CCDC33: variants seen among roughly 807,000 people sequenced by gnomAD.
The protein encoded by CCDC33 is coiled-coil domain containing 33.
A neutral mutation model predicts 91.9 loss-of-function variants in CCDC33; 94 were observed. The observed-to-expected ratio is 1.02, with a 90% CI of 0.87 to 1.21. The LOEUF is 1.21. Ranked by LOEUF, CCDC33 falls within the 50% of genes most tolerant of loss-of-function variation. CCDC33 has a pLI of 0.00. For synonymous variants in CCDC33, 396 were observed against 374.5 expected (o/e 1.06, Z -0.66); for missense variants, 940 against 935.5 (o/e 1.00, Z -0.06).
intron 1 of CCDC33, among the ~76,000 whole-genome samples, chr15:74,205,976 G>A (rs1238695143): frequency 7.2e-5 from 11 of 152,346 alleles, no homozygotes; most frequent in East Asian, 3.9e-4. Context: ...AGTGGAGAAC[G>A]CCTGGTTGGG....
intron 2 of CCDC33, among the ~76,000 whole-genome samples, chr15:74,246,450 G>A (rs2142285743): frequency 6.6e-6 from 1 of 152,178 alleles, no homozygotes; most frequent in East Asian, 1.9e-4. Flanking sequence ...CAAAATATAT[G>A]AGTAACTCAT....
chr15:74,327,817 G>C (rs1049301903), intron 11 of CCDC33, among the ~76,000 whole-genome samples: 6 of 152,134 alleles, frequency 3.9e-5, no homozygotes, highest in African/African-American at 1.4e-4. Context: ...CTCACAACCC[G>C]GTTATGGACA....
intron 2 of CCDC33, among the ~76,000 whole-genome samples, chr15:74,211,389 CT>C (rs1249975573): frequency 1.4e-5 from 2 of 146,846 alleles, no homozygotes; most frequent in Non-Finnish European, 3.0e-5. Flanking sequence ...ATATCTGCCC[CT>C]GGCTTTTTTT....
upstream of CCDC33, among the ~76,000 whole-genome samples, chr15:74,214,467 TGG>T (rs2074395223): frequency 1.3e-5 from 2 of 152,002 alleles, no homozygotes; most frequent in Non-Finnish European, 2.9e-5. Context: ...TTGAAAACCG[TGG>T]GAGGCTGAAT....
chr15:74,315,103 G>A (rs2060065926), intron 11 of CCDC33, among the ~76,000 whole-genome samples: 1 of 152,228 alleles, frequency 6.6e-6, no homozygotes, highest in Non-Finnish European at 1.5e-5. Context: ...GGGGAGCAGA[G>A]CAACTGTGCG....
At chr15:74,311,649 T>G (rs2142747426) in intron 11 of CCDC33, 1 of 152,290 alleles carries the variant, frequency 6.6e-6, no homozygotes, top group East Asian at 1.9e-4. Flanking sequence ...GGGAAAGGGT[T>G]TGAGGAAACA....
At chr15:74,239,015 G>C (rs1282194168) in intron 1 of CCDC33, among the ~76,000 whole-genome samples, 4 of 152,348 alleles carry the variant, frequency 2.6e-5, no homozygotes, top group Non-Finnish European at 4.4e-5. Flanking sequence ...GTTGAAACTA[G>C]AAGGAACATG....
chr15:74,225,117 C>CAT (rs962824242), intron 2 of CCDC33, among the ~76,000 whole-genome samples: 1 of 139,832 alleles, frequency 7.2e-6, no homozygotes, highest in African/African-American at 2.7e-5. Flanking sequence ...CTCCTGGAGG[C>CAT]GTGTGTGTGT....
chr15:74,318,444 C>A, intron 11 of CCDC33: 4 of 535,764 alleles, frequency 7.5e-6, no homozygotes, highest in East Asian at 3.6e-5. Flanking sequence ...CCCACCCAGA[C>A]ACCCCCCACC....
chr15:74,236,541 C>G lies in CCDC33; in HGVS notation c.-179C>G. ...TCCCCCTCCCCCCACATCCAGGCCC[C>G]AGGGCTGGTGTGTGGCACCCCTGAG... is the stretch of plus-strand genomic sequence containing the variant. On this transcript the variant is annotated 5_prime_UTR_variant, in exon 1 of 19. Transcript: ENST00000398814. 2.2e-6 allele frequency: 1 copy of G among 448,128 alleles called. No individual in the cohort carries two copies. The highest frequency in any genetic ancestry group is 4.0e-6 in the Non-Finnish European group (1 of 248,326). 27.8% of individuals were successfully genotyped at this position (448,128 alleles called of 1,614,324 possible). A position where few individuals can be genotyped will look rare whatever the true frequency, so the allele number is the denominator to read the frequency against.
chr15:74,279,962 G>T lies in CCDC33; in HGVS notation c.760-1G>T, dbSNP rs2076548618. 6.2e-7 allele frequency: 1 copy of T among 1,613,774 alleles called. No individual in the cohort carries two copies. The highest frequency in any genetic ancestry group is 8.5e-7 in the Non-Finnish European group (1 of 1,179,808). ...CACCTGCTCCTACCCTCTCCCTCCA[G>T]CTGTCCAAGCCTGGGGGACCCCCAG... On this transcript the variant is annotated splice_acceptor_variant, in intron 7 of 18. Transcript: ENST00000398814. LOFTEE classifies it high-confidence loss of function.
intron 2 of CCDC33, among the ~76,000 whole-genome samples, chr15:74,255,159 C>T (rs960606020): frequency 2.0e-5 from 3 of 152,044 alleles, no homozygotes; most frequent in Admixed American, 2.0e-4. Flanking sequence ...TCCATAGACC[C>T]ACCTGCCAAT....
intron 2 of CCDC33, chr15:74,221,128 C>A: frequency 1.2e-6 from 1 of 852,080 alleles, no homozygotes; most frequent in Non-Finnish European, 1.4e-6. Context: ...TGACTGTGAT[C>A]AGGCATTTCA....
chr15:74,228,594 G>T (rs75234883), intron 2 of CCDC33, among the ~76,000 whole-genome samples: 2 of 152,200 alleles, frequency 1.3e-5, no homozygotes, highest in African/African-American at 4.8e-5. Flanking sequence ...GGGCCATGGG[G>T]CCCCCACTCC....
chr15:74,251,444 G>A (rs958422021), intron 2 of CCDC33, among the ~76,000 whole-genome samples: 5 of 152,258 alleles, frequency 3.3e-5, no homozygotes, highest in African/African-American at 1.2e-4. Context: ...TGGAAAAGGG[G>A]CTAGCCAGGA....
intron 5 of CCDC33, among the ~76,000 whole-genome samples, chr15:74,270,596 C>T (rs1178361942): frequency 6.6e-6 from 1 of 152,062 alleles, no homozygotes; most frequent in Non-Finnish European, 1.5e-5. Context: ...GCAGAGGAAT[C>T]GAAGGAGCAA....
At chr15:74,321,218 G>A (rs1224367490) in intron 11 of CCDC33, among the ~76,000 whole-genome samples, 1 of 152,006 alleles carries the variant, frequency 6.6e-6, no homozygotes. Flanking sequence ...AAGAAATGTG[G>A]TTAATTCGCT....
rs1298195040 is a variant in CCDC33 at position 74,332,758 on chromosome 15, G to A, written c.1851G>A (p.Leu617=). 6.2e-7 allele frequency: 1 copy of A among 1,614,236 alleles called. No individual in the cohort carries two copies. Among genetic ancestry groups the A allele is most frequent in the Admixed American group, 1.7e-5 (1 of 60,030 alleles). The stretch of plus-strand genomic sequence containing the variant: ...TGCCGGTTGAACTTTACTCGGTGCT[G>A]CTGGCAGAAAACGCGAAGCTGCGGA... The part of the protein sequence containing the change: ...ENLPVELYSV[L]LAENAKLRTE... The change falls in exon 16 of 19, where the codon CTG becomes CTA. Residue 617 remains leucine (L), a synonymous_variant. Transcript: ENST00000398814.
At chr15:74,281,442 C>T (rs1394364968) in intron 9 of CCDC33, among the ~76,000 whole-genome samples, 1 of 152,250 alleles carries the variant, frequency 6.6e-6, no homozygotes, top group African/African-American at 2.4e-5. Context: ...AAGTTCTCAA[C>T]AAGAATGAAT....
Sources: gnomAD v4.1 joint callset for allele counts (sites outside exome capture counted in the v4.1 genomes callset) on GRCh38, gnomAD v4.1.1 for gene constraint, MANE v1.5 for transcripts, NCBI Gene and HGNC (gene_info 2026-07-23, HGNC 2026-07-21) for gene names.